HIVEP3: variants seen among roughly 807,000 people sequenced by gnomAD.
HIVEP3 encodes the protein transcription factor HIVEP3.
HIVEP3 carries 49 observed loss-of-function variants against 152.8 expected under a neutral mutation model. That is an observed-to-expected ratio of 0.32 (90% CI 0.26 to 0.41). The LOEUF (loss-of-function observed/expected upper bound fraction) is 0.41, where lower values mean the gene tolerates loss of function less well. Among genes scored for constraint, HIVEP3 ranks in the 10% least tolerant of loss-of-function variants. The pLI, the probability that HIVEP3 is intolerant of heterozygous loss-of-function variation, is 1.00. For missense variants in HIVEP3, 2,790 were observed against 3,103.3 expected (o/e 0.90, Z 2.40); for synonymous variants, 1,269 against 1,289.0 (o/e 0.98, Z 0.33).
At chr1:41,527,447 C>T (rs1569746427) in intron 5 of HIVEP3, among the ~76,000 whole-genome samples, 2 of 140,932 alleles carry the variant, frequency 1.4e-5, no homozygotes, top group Admixed American at 7.0e-5. Context: ...CCCACCCTCA[C>T]CCTCACACCC....
At chr1:42,008,566 G>T (rs1645474735) in intron 1 of HIVEP3, among the ~76,000 whole-genome samples, 1 of 152,116 alleles carries the variant, frequency 6.6e-6, no homozygotes, top group Non-Finnish European at 1.5e-5. Context: ...ATAGTTTGTT[G>T]GATCCAACAT....
chr1:41,927,966 C>T (rs34352050), intron 1 of HIVEP3, among the ~76,000 whole-genome samples: 8,716 of 145,318 alleles, frequency 0.06, 314 homozygotes, highest in Middle Eastern at 0.12. Context: ...GAGGCTGAGG[C>T]AGGAGAATCG....
At chr1:41,915,802 T>C (rs541241745) in intron 1 of HIVEP3, among the ~76,000 whole-genome samples, 1 of 152,330 alleles carries the variant, frequency 6.6e-6, no homozygotes, top group African/African-American at 2.4e-5. Flanking sequence ...GGAAGAAAAT[T>C]GGTCACGGGC....
At chr1:41,520,760 C>A (rs114499034) in intron 6 of HIVEP3, among the ~76,000 whole-genome samples, 1 of 152,206 alleles carries the variant, frequency 6.6e-6, no homozygotes, top group Non-Finnish European at 1.5e-5. Flanking sequence ...CCCTTGTCAT[C>A]GCAGGAGGAA....
intron 1 of HIVEP3, among the ~76,000 whole-genome samples, chr1:41,808,274 G>C (rs528114706): frequency 3.3e-5 from 5 of 152,340 alleles, no homozygotes; most frequent in African/African-American, 9.6e-5. Flanking sequence ...CACTCAGCTG[G>C]GTTGCCCCAA....
intron 5 of HIVEP3, chr1:41,543,835 C>A (rs1021783235): frequency 6.6e-6 from 1 of 152,250 alleles, no homozygotes; most frequent in Admixed American, 6.5e-5. Flanking sequence ...GATGCTTCTT[C>A]GCCGTGTTGA....
intron 1 of HIVEP3, among the ~76,000 whole-genome samples, chr1:41,789,804 GGTTGGGACCAGACA>G (rs1358586273): frequency 6.6e-6 from 1 of 152,158 alleles, no homozygotes; most frequent in Non-Finnish European, 1.5e-5. Context: ...TCACCGGCTG[GGTTGGGACCAGACA>G]GTTGCCCCAT....
At position 41,612,896 on chromosome 1, in the gene HIVEP3, C is replaced by T. The variant is rs189001027; in HGVS notation, c.-522+15853G>A. On this transcript the variant is annotated intron_variant, in intron 3 of 8. Transcript: ENST00000372583. ...AGGGTCTGAGGTACAACTGAAGCCT[C>T]AGAAGAACCGATAAACCATGTTTCT... is the stretch of plus-strand genomic sequence containing the variant. Among the ~76,000 whole-genome samples the T allele has an allele frequency of 3.9e-5, 6 of 152,346 alleles. No individual in the cohort carries two copies. In the East Asian group the frequency reaches 7.7e-4, roughly 20 times the overall value.
intron 1 of HIVEP3, among the ~76,000 whole-genome samples, chr1:41,772,617 G>T (rs1009488471): frequency 6.6e-6 from 1 of 152,122 alleles, no homozygotes; most frequent in East Asian, 1.9e-4. Flanking sequence ...AACAAACAAA[G>T]AATAAAATAG....
chr1:41,832,002 C>T (rs1314702957), intron 1 of HIVEP3, among the ~76,000 whole-genome samples: 1 of 152,124 alleles, frequency 6.6e-6, no homozygotes. Flanking sequence ...TAGAGCGTTG[C>T]CATTTATCCA....
At chr1:41,716,306 A>G (rs1646592793) in intron 1 of HIVEP3, among the ~76,000 whole-genome samples, 1 of 152,188 alleles carries the variant, frequency 6.6e-6, no homozygotes. Context: ...GGGCTGGGCC[A>G]AGGTAGGACA....
In HIVEP3 at chr1:41,508,765, A is replaced by C. The variant is rs1644409812; in HGVS notation, c.*1686T>G. 6.6e-6 allele frequency: 1 copy of C among 152,460 alleles called. No homozygotes were observed. The highest frequency in any genetic ancestry group is 2.4e-5 in the African/African-American group (1 of 41,454). The allele number at this position is 152,460 out of a possible 1,614,324, so 9.4% of individuals were successfully genotyped here. A position where few individuals can be genotyped will look rare whatever the true frequency, so the allele number is the denominator to read the frequency against. ...TGTACCCAAGCAGCTTCAATAGCTC[A>C]AGAGCCCTGGGGCAGGCACTTGATT... On this transcript the variant is annotated 3_prime_UTR_variant, in exon 9 of 9. Coordinates refer to ENST00000372583, the MANE Select transcript of HIVEP3 (RefSeq NM_024503.5).
chr1:41,709,971 C>T (rs575330170), intron 1 of HIVEP3, among the ~76,000 whole-genome samples: 20 of 152,172 alleles, frequency 1.3e-4, no homozygotes, highest in Admixed American at 9.8e-4. Context: ...TAGGGACTTT[C>T]GGTTAAGAAC....
At chr1:41,693,259 A>C (rs1646223086) in intron 2 of HIVEP3, among the ~76,000 whole-genome samples, 1 of 152,224 alleles carries the variant, frequency 6.6e-6, no homozygotes, top group Non-Finnish European at 1.5e-5. Context: ...GTATCAATAT[A>C]TAATCTCCCC....
At chr1:42,008,265 G>A (rs1226451750) in intron 1 of HIVEP3, among the ~76,000 whole-genome samples, 5 of 152,118 alleles carry the variant, frequency 3.3e-5, no homozygotes, top group Admixed American at 3.3e-4. Flanking sequence ...TGGACTCTCT[G>A]TTCCTTCTCT....
At chr1:41,531,522 G>T (rs1643253830) in intron 5 of HIVEP3, among the ~76,000 whole-genome samples, 1 of 84,254 alleles carries the variant, frequency 1.2e-5, no homozygotes, top group Non-Finnish European at 2.4e-5. Flanking sequence ...ATAGAGGACA[G>T]GAGAGATGGA....
At chr1:41,809,742 G>A (rs1650837327) in intron 1 of HIVEP3, among the ~76,000 whole-genome samples, 1 of 152,198 alleles carries the variant, frequency 6.6e-6, no homozygotes, top group Non-Finnish European at 1.5e-5. Context: ...TGTGGGTGCA[G>A]ATCCTGGGCC....
intron 5 of HIVEP3, among the ~76,000 whole-genome samples, chr1:41,568,462 T>G (rs542706322): frequency 1.3e-5 from 2 of 152,340 alleles, no homozygotes; most frequent in Admixed American, 1.3e-4. Context: ...AGCCGGCACA[T>G]GCAGGCCCGT....
chr1:41,563,625 T>A (rs913591634), intron 5 of HIVEP3, among the ~76,000 whole-genome samples: 1 of 152,032 alleles, frequency 6.6e-6, no homozygotes, highest in Admixed American at 6.5e-5. Context: ...GCCTCACTCA[T>A]CACTTCCAAT....
Sources: allele counts gnomAD v4.1 joint callset (sites outside exome capture counted in the v4.1 genomes callset), GRCh38; gene constraint gnomAD v4.1.1; transcripts MANE v1.5; gene names NCBI Gene and HGNC (gene_info 2026-07-23, HGNC 2026-07-21).